Variants in CMSS1 observed in about 807,000 individuals in gnomAD.
CMSS1 encodes protein CMSS1.
CMSS1 carries 33 observed loss-of-function variants against 43.5 expected under a neutral mutation model. The ratio of observed to expected loss-of-function variants is 0.76; its 90% confidence interval spans 0.57 to 1.01. The LOEUF is 1.01. Ranked by LOEUF, CMSS1 falls within the 50% of genes least tolerant of loss-of-function variation. CMSS1 has a pLI of 0.00. For synonymous variants in CMSS1, 115 were observed against 117.2 expected (o/e 0.98, Z 0.12); for missense variants, 313 against 326.4 (o/e 0.96, Z 0.32).
At chr3:99,845,430 G>GAAA (rs1943320169) in intron 1 of CMSS1, among the ~76,000 whole-genome samples, 1 of 152,074 alleles carries the variant, frequency 6.6e-6, no homozygotes, top group South Asian at 2.1e-4. Context: ...TCAGAGAGAC[G>GAAA]AAAAAACAGT....
chr3:99,946,920 A>C (rs1001228274), intron 1 of CMSS1, among the ~76,000 whole-genome samples: 19 of 152,122 alleles, frequency 1.2e-4, no homozygotes, highest in African/African-American at 3.9e-4. Context: ...GGATCTCCTG[A>C]GGTCTGGAGT....
chr3:100,135,181 A>G (rs1407483881), intron 1 of CMSS1, among the ~76,000 whole-genome samples: 1 of 152,192 alleles, frequency 6.6e-6, no homozygotes, highest in African/African-American at 2.4e-5. Flanking sequence ...TTCCAAATGT[A>G]CAAGTATTCA....
At chr3:100,080,356 T>C (rs1028989402) in intron 1 of CMSS1, among the ~76,000 whole-genome samples, 1 of 152,104 alleles carries the variant, frequency 6.6e-6, no homozygotes, top group Non-Finnish European at 1.5e-5. Flanking sequence ...GGGTTCTGAC[T>C]CTCCCTGAAC....
intron 2 of CMSS1, among the ~76,000 whole-genome samples, chr3:100,150,150 T>C (rs2066893002): frequency 6.6e-6 from 1 of 152,194 alleles, no homozygotes; most frequent in Admixed American, 6.5e-5. Context: ...TCAGGCATAC[T>C]GTCTGTCCTT....
intron 1 of CMSS1, among the ~76,000 whole-genome samples, chr3:100,082,228 T>C (rs2065943896): frequency 1.3e-5 from 2 of 152,234 alleles, no homozygotes; most frequent in African/African-American, 4.8e-5. Flanking sequence ...GTGTGCTGCA[T>C]AGAATTCATA....
chr3:100,046,394 A>G (rs968303160), intron 1 of CMSS1, among the ~76,000 whole-genome samples: 3 of 151,702 alleles, frequency 2.0e-5, no homozygotes, highest in South Asian at 2.1e-4. Context: ...TTGTTCACCT[A>G]TTTCTCAAAG....
intron 1 of CMSS1, among the ~76,000 whole-genome samples, chr3:99,999,471 A>C (rs1403357308): frequency 1.3e-5 from 2 of 152,210 alleles, no homozygotes; most frequent in Non-Finnish European, 2.9e-5. Flanking sequence ...TGTTTAGTAG[A>C]TTATCGACAG....
chr3:99,909,925 A>T (rs1353019706), intron 1 of CMSS1, among the ~76,000 whole-genome samples: 1 of 148,910 alleles, frequency 6.7e-6, no homozygotes, highest in Non-Finnish European at 1.5e-5. Flanking sequence ...ATCATTGTCA[A>T]CAAGAGCTGT....
intron 1 of CMSS1, chr3:99,849,425 T>C: frequency 1.9e-6 from 3 of 1,614,208 alleles, no homozygotes; most frequent in Non-Finnish European, 2.5e-6. Flanking sequence ...TCTTGTTGAT[T>C]TAGTTTTTTT....
chr3:99,929,806 G>T, intron 1 of CMSS1: 1 of 1,385,004 alleles, frequency 7.2e-7, no homozygotes, highest in Non-Finnish European at 9.9e-7. Flanking sequence ...TCATCTGCAG[G>T]GCTAGTGCTT....
chr3:100,031,623 T>C (rs1205192189), intron 1 of CMSS1, among the ~76,000 whole-genome samples: 2 of 151,762 alleles, frequency 1.3e-5, no homozygotes, highest in African/African-American at 4.8e-5. Context: ...CCTGTGTTCT[T>C]TTTTTTTAAC....
intron 9 of CMSS1, 68 bp from the exon 10 acceptor site, chr3:100,178,237 T>C: frequency 1.1e-6 from 1 of 905,090 alleles, no homozygotes; most frequent in Non-Finnish European, 1.8e-6. Context: ...TCCTGATGGT[T>C]GAATGTATTC....
intron 1 of CMSS1, chr3:99,851,035 T>G (rs1184389822): frequency 6.2e-7 from 1 of 1,600,798 alleles, no homozygotes; most frequent in African/African-American, 1.3e-5. Context: ...CTTCTCCTCC[T>G]GAGACTTGAT....
Position 99,941,853 on chromosome 3 carries a change from A to G in CMSS1, c.64+123810A>G, listed in dbSNP as rs183694217. ...GGTGTTTTTCAGAAGAGAAAAGGGG[A>G]TGAATGAGATAAAACCTTGAAATTG... On this transcript the variant is annotated intron_variant, in intron 1 of 9. Coordinates refer to ENST00000421999, the MANE Select transcript of CMSS1 (RefSeq NM_032359.4). Among the ~76,000 whole-genome samples the G allele has an allele frequency of 1.4e-3, 217 of 152,322 alleles. 1 individual carries two copies. The highest frequency in any genetic ancestry group is 4.9e-3 in the African/African-American group (205 of 41,576).
intron 1 of CMSS1, among the ~76,000 whole-genome samples, chr3:100,003,470 G>C: frequency 6.6e-6 from 1 of 152,176 alleles, no homozygotes; most frequent in East Asian, 1.9e-4. Context: ...TATGATAGAT[G>C]CGTTCACATG....
intron 1 of CMSS1, among the ~76,000 whole-genome samples, chr3:100,038,288 C>G (rs1332226322): frequency 1.3e-5 from 2 of 152,056 alleles, no homozygotes; most frequent in Non-Finnish European, 2.9e-5. Context: ...ATAACTCTTA[C>G]AGAAATAATA....
In CMSS1 at chr3:99,873,080, G is replaced by A. The variant is rs577598123; in HGVS notation, c.64+55037G>A. Among the ~76,000 whole-genome samples the A allele has an allele frequency of 4.5e-3, 688 of 152,280 alleles. 7 individuals are homozygous for A. The highest frequency in any genetic ancestry group is 0.016 in the African/African-American group (674 of 41,546). On this transcript the variant is annotated intron_variant, in intron 1 of 9. Coordinates refer to ENST00000421999, the MANE Select transcript of CMSS1 (RefSeq NM_032359.4). ...ATAGGAGGTTCTAAAAGTCATTGCA[G>A]CACACTTTAAGCATAAGTGACTGGG...
At chr3:100,094,948 A>G (rs1272902193) in intron 1 of CMSS1, among the ~76,000 whole-genome samples, 1 of 152,042 alleles carries the variant, frequency 6.6e-6, no homozygotes, top group Non-Finnish European at 1.5e-5. Context: ...TCGGCCTCCC[A>G]AAGTGCTGGG....
intron 1 of CMSS1, among the ~76,000 whole-genome samples, chr3:100,080,550 T>C (rs114968445): frequency 1.5e-3 from 222 of 152,310 alleles, no homozygotes; most frequent in Non-Finnish European, 2.7e-3. Flanking sequence ...TGGACCACAT[T>C]TTGAGAAATC....
Sources: allele counts gnomAD v4.1 joint callset (sites outside exome capture counted in the v4.1 genomes callset), GRCh38; gene constraint gnomAD v4.1.1; transcripts MANE v1.5; gene names NCBI Gene and HGNC (gene_info 2026-07-23, HGNC 2026-07-21).